The following GALK2 variants were observed in gnomAD, a reference collection of about 807,000 sequenced individuals.
GALK2 encodes galactokinase 2.
Under a neutral mutation model 52.4 loss-of-function variants are expected in GALK2, and 36 were observed. That is an observed-to-expected ratio of 0.69 (90% CI 0.53 to 0.91). The LOEUF (loss-of-function observed/expected upper bound fraction) is 0.91, where lower values mean the gene tolerates loss of function less well. Ranked by LOEUF, GALK2 falls within the 40% of genes least tolerant of loss-of-function variation. GALK2 has a pLI of 0.00. For synonymous variants in GALK2, 176 were observed against 199.1 expected, an observed-to-expected ratio of 0.88 and a Z score of 0.98; for missense variants, 579 against 559.1, an observed-to-expected ratio of 1.04 and a Z score of -0.36.
intron 1 of GALK2, among the ~76,000 whole-genome samples, chr15:49,180,522 C>T (rs937320161): frequency 6.6e-6 from 1 of 152,146 alleles, no homozygotes; most frequent in Non-Finnish European, 1.5e-5. Flanking sequence ...AATCCGAATT[C>T]CACACACTAC....
intron 8 of GALK2, among the ~76,000 whole-genome samples, chr15:49,312,142 G>A (rs2036045025): frequency 1.3e-5 from 2 of 152,104 alleles, no homozygotes; most frequent in Non-Finnish European, 2.9e-5. Context: ...TTGACTGTGT[G>A]CATCTATTTT....
chr15:49,225,184 C>A (rs1442125402), intron 3 of GALK2: 3 of 455,862 alleles, frequency 6.6e-6, no homozygotes, highest in South Asian at 3.1e-5. Context: ...TGGCACTGAT[C>A]CTGTCTTTTT....
intron 1 of GALK2, among the ~76,000 whole-genome samples, chr15:49,194,556 T>C (rs2087042778): frequency 6.6e-6 from 1 of 152,114 alleles, no homozygotes; most frequent in Non-Finnish European, 1.5e-5. Flanking sequence ...TTTTTCTTTT[T>C]TTAGTGTTTT....
chr15:49,295,702 T>G (rs1476638039), intron 8 of GALK2, among the ~76,000 whole-genome samples: 1 of 152,190 alleles, frequency 6.6e-6, no homozygotes, highest in Non-Finnish European at 1.5e-5. Flanking sequence ...ACTTACTAAT[T>G]GGAAGCTTGG....
chr15:49,155,995 A>T (rs1191017061), exon 1 of GALK2: 1 of 1,614,052 alleles, frequency 6.2e-7, no homozygotes, highest in African/African-American at 1.3e-5. Flanking sequence ...GAAAAGGCTG[A>T]CATGCCCGTC....
At chr15:49,169,118 T>C (rs1290458853), upstream of GALK2, 3 of 152,328 alleles carry the variant, frequency 2.0e-5, no homozygotes, top group African/African-American at 4.9e-5. Flanking sequence ...TATACATGTA[T>C]ACAGAAGGGG....
downstream of GALK2, among the ~76,000 whole-genome samples, chr15:49,336,734 G>A (rs2039782064): frequency 6.6e-6 from 1 of 152,024 alleles, no homozygotes; most frequent in South Asian, 2.1e-4. Flanking sequence ...AGATCCAGGG[G>A]TTACATGGGC....
intron 3 of GALK2, 104 bp downstream of exon 3, chr15:49,217,417 G>T: frequency 3.6e-6 from 4 of 1,116,996 alleles, no homozygotes; most frequent in East Asian, 2.5e-5. Flanking sequence ...TTAACTTATT[G>T]ATATTTTGTG....
At chr15:49,326,335 A>G (rs562569300) in intron 9 of GALK2, among the ~76,000 whole-genome samples, 1 of 138,294 alleles carries the variant, frequency 7.2e-6, no homozygotes, top group East Asian at 2.1e-4. Flanking sequence ...ATCTCGGCTC[A>G]CTGCAACCTC....
chr15:49,214,826 T>C (rs1396816212), intron 2 of GALK2, among the ~76,000 whole-genome samples: 3 of 152,216 alleles, frequency 2.0e-5, no homozygotes, highest in African/African-American at 7.2e-5. Context: ...GTGAGTTCTG[T>C]ACCACCATGT....
intron 5 of GALK2, among the ~76,000 whole-genome samples, chr15:49,274,305 A>G (rs1225611521): frequency 6.6e-6 from 1 of 152,218 alleles, no homozygotes. Flanking sequence ...AGTACAGCAT[A>G]TTACTGTACT....
intron 3 of GALK2, chr15:49,226,617 C>T (rs2439133): frequency 0.59 from 89,247 of 151,650 alleles, 26,397 homozygotes; most frequent in Middle Eastern, 0.66. Flanking sequence ...TCTTTCCTTC[C>T]ACTATTTTTG....
chr15:49,312,689 A>G (rs1044379028), intron 8 of GALK2, among the ~76,000 whole-genome samples: 1 of 152,188 alleles, frequency 6.6e-6, no homozygotes. Flanking sequence ...ACACTTATTC[A>G]TTATTGGTCC....
At chr15:49,334,874 T>C (rs1306353954), downstream of GALK2, among the ~76,000 whole-genome samples, 1 of 152,154 alleles carries the variant, frequency 6.6e-6, no homozygotes, top group African/African-American at 2.4e-5. Flanking sequence ...CTTGTAAAAA[T>C]TGATGGATAT....
chr15:49,351,739 T>A (rs369159892), intron 3 of GALK2, among the ~76,000 whole-genome samples: 1 of 135,850 alleles, frequency 7.4e-6, no homozygotes, highest in Non-Finnish European at 1.6e-5. Flanking sequence ...ACAGTCCCAA[T>A]GGATGTCTCA....
Position 49,224,776 on chromosome 15 carries a change from A to G in GALK2, c.266+7463A>G, listed in dbSNP as rs572096447. Among the ~76,000 whole-genome samples, 23 of 152,266 alleles carry G rather than the reference A, an allele frequency of 1.5e-4. No homozygotes were observed. The South Asian group carries it at 4.4e-3, about 29-fold the overall frequency. On this transcript the variant is annotated intron_variant, in intron 3 of 9. Coordinates refer to ENST00000560031, the MANE Select transcript of GALK2 (RefSeq NM_002044.4). ...TGAAGTTGGGTAATGTGATAACTCC[A>G]ATTTTTTTCCTTTTACTTTAGTTTT...
At position 49,331,815 on chromosome 15, in the gene GALK2, C is replaced by T. The variant is rs1278715716; in HGVS notation, c.*3656C>T. ...AGGAACTTCTCAAAGTCCTGTTTCA[C>T]TTCATGAGGTTTCTTGGTAGCCTTT... On this transcript the variant is annotated 3_prime_UTR_variant, in exon 10 of 10. Transcript: ENST00000560031. 1 of 1,611,832 alleles carries T rather than the reference C, an allele frequency of 6.2e-7. No individual in the cohort carries two copies. Among genetic ancestry groups the T allele is most frequent in the Admixed American group, 1.7e-5 (1 of 59,990 alleles).
At chr15:49,292,135 G>A (rs1361960594) in intron 7 of GALK2, among the ~76,000 whole-genome samples, 192 bp from the exon 8 acceptor site, 1 of 152,116 alleles carries the variant, frequency 6.6e-6, no homozygotes, top group East Asian at 1.9e-4. Context: ...GTCTGTGAGT[G>A]TAATACAGAC....
intron 1 of GALK2, among the ~76,000 whole-genome samples, chr15:49,183,845 G>GAA (rs1244289040): frequency 1.1e-4 from 8 of 73,548 alleles, no homozygotes; most frequent in Non-Finnish European, 1.8e-4. Context: ...CTTTGTCTCA[G>GAA]AAAAAAAAAA....
Sources: allele counts gnomAD v4.1 joint callset (sites outside exome capture counted in the v4.1 genomes callset), GRCh38; gene constraint gnomAD v4.1.1; transcripts MANE v1.5; gene names NCBI Gene and HGNC (gene_info 2026-07-23, HGNC 2026-07-21).